The following CHCHD3 variants were observed in gnomAD, a reference collection of about 807,000 sequenced individuals.
CHCHD3 encodes the protein coiled-coil-helix-coiled-coil-helix domain containing 3.
CHCHD3 carries 20 observed loss-of-function variants against 38.2 expected under a neutral mutation model. The ratio of observed to expected loss-of-function variants is 0.52; its 90% CI spans 0.37 to 0.76. CHCHD3 has a LOEUF of 0.76. Ranked by LOEUF, CHCHD3 falls within the 30% of genes least tolerant of loss-of-function variation. The probability of loss-of-function intolerance (pLI) is 0.00; values close to 1 mark genes in which losing one functional copy is unlikely to be tolerated. For missense variants in CHCHD3, 245 were observed against 279.2 expected, an observed-to-expected ratio of 0.88 and a Z score of 0.87; for synonymous variants, 82 against 100.0, an observed-to-expected ratio of 0.82 and a Z score of 1.07.
chr7:132,985,935 G>C (rs1812106898), intron 3 of CHCHD3, among the ~76,000 whole-genome samples: 1 of 151,874 alleles, frequency 6.6e-6, no homozygotes, highest in Non-Finnish European at 1.5e-5. Context: ...GGGCCATGAT[G>C]ACCATGGCGG....
chr7:133,072,683 C>CA (rs1306521338), intron 1 of CHCHD3, among the ~76,000 whole-genome samples: 1 of 151,860 alleles, frequency 6.6e-6, no homozygotes, highest in Non-Finnish European at 1.5e-5. Flanking sequence ...ACTAAAAATA[C>CA]AAAAAATTAG....
At chr7:132,833,877 G>A (rs1807709666) in intron 6 of CHCHD3, among the ~76,000 whole-genome samples, 1 of 152,094 alleles carries the variant, frequency 6.6e-6, no homozygotes, top group Non-Finnish European at 1.5e-5. Flanking sequence ...CCCCTGATCA[G>A]GTATATAATA....
intron 6 of CHCHD3, among the ~76,000 whole-genome samples, chr7:132,826,336 C>T (rs1177272726): frequency 1.3e-5 from 2 of 152,184 alleles, no homozygotes; most frequent in African/African-American, 4.8e-5. Flanking sequence ...GCATGTTTAA[C>T]ATACTAAAAA....
At chr7:133,071,781 A>G (rs1172134991) in intron 1 of CHCHD3, among the ~76,000 whole-genome samples, 9 of 152,228 alleles carry the variant, frequency 5.9e-5, no homozygotes, top group Non-Finnish European at 1.0e-4. Context: ...AGAGCAGTGA[A>G]GTTATGACAT....
chr7:132,857,303 C>T (rs6975203), intron 5 of CHCHD3, among the ~76,000 whole-genome samples: 35,136 of 152,144 alleles, frequency 0.23, 4,247 homozygotes, highest in South Asian at 0.26. Context: ...CAAATCCTTT[C>T]CCAAGAATCT....
intron 3 of CHCHD3, among the ~76,000 whole-genome samples, chr7:132,990,826 T>C (rs1812258508): frequency 6.6e-6 from 1 of 152,088 alleles, no homozygotes; most frequent in South Asian, 2.1e-4. Context: ...TTCTTTTTGA[T>C]TTCAAAAGAC....
At chr7:132,827,655 A>G (rs1807539112) in intron 6 of CHCHD3, among the ~76,000 whole-genome samples, 3 of 152,242 alleles carry the variant, frequency 2.0e-5, no homozygotes, top group Non-Finnish European at 4.4e-5. Flanking sequence ...TCAGAATACA[A>G]CAGAATATTC....
chr7:132,826,635 C>G (rs989085754), intron 6 of CHCHD3, among the ~76,000 whole-genome samples: 1 of 152,122 alleles, frequency 6.6e-6, no homozygotes, highest in Non-Finnish European at 1.5e-5. Context: ...GGATGCTTGG[C>G]GACACTAACA....
At chr7:132,852,499 T>C (rs960503888) in intron 5 of CHCHD3, among the ~76,000 whole-genome samples, 1 of 152,232 alleles carries the variant, frequency 6.6e-6, no homozygotes, top group Non-Finnish European at 1.5e-5. Context: ...AATATGATTA[T>C]AGTAATCATA....
At chr7:132,892,945 G>T (rs1809402082) in intron 4 of CHCHD3, among the ~76,000 whole-genome samples, 1 of 152,256 alleles carries the variant, frequency 6.6e-6, no homozygotes, top group Non-Finnish European at 1.5e-5. Flanking sequence ...AAGCCCTCAT[G>T]AAGAACCTCT....
chr7:133,057,726 A>G (rs972636638), intron 2 of CHCHD3, among the ~76,000 whole-genome samples: 3 of 152,214 alleles, frequency 2.0e-5, no homozygotes, highest in African/African-American at 7.2e-5. Flanking sequence ...CTATGTCAGT[A>G]GAGGTATGTT....
rs1281780884 is a variant in CHCHD3 at position 132,788,160 on chromosome 7, T to G, written c.661-2500A>C. ...ATAAGTTCTATAAATTCCAGATATA[T>G]AGACAACCTCACTACATCATGCTTT... On this transcript the variant is annotated intron_variant, in intron 7 of 7. Transcript: ENST00000262570. This position sits in a 1 kb window ranked among gnomAD's most constrained non-coding sequence, Gnocchi z 4.0. Among the ~76,000 whole-genome samples, 3 of 152,192 alleles carry G rather than the reference T, an allele frequency of 2.0e-5. No homozygotes were observed. The highest frequency in any genetic ancestry group is 4.4e-5 in the Non-Finnish European group (3 of 68,050).
chr7:133,022,555 A>G (rs1813214871), intron 3 of CHCHD3: 1 of 441,534 alleles, frequency 2.3e-6, no homozygotes. Flanking sequence ...TATCATATAG[A>G]TGAACACACA....
chr7:133,076,023 C>A (rs1228970609), intron 1 of CHCHD3, among the ~76,000 whole-genome samples: 1 of 138,536 alleles, frequency 7.2e-6, no homozygotes, highest in Admixed American at 8.1e-5. Flanking sequence ...CGCACCACTG[C>A]ACTCCAGCAT....
chr7:133,010,069 C>G (rs1812819403), intron 3 of CHCHD3, among the ~76,000 whole-genome samples: 1 of 152,152 alleles, frequency 6.6e-6, no homozygotes, highest in South Asian at 2.1e-4. Flanking sequence ...CAGTCACTTC[C>G]TAAACACTAT....
At chr7:132,999,402 A>T (rs914383389) in intron 3 of CHCHD3, among the ~76,000 whole-genome samples, 2 of 152,204 alleles carry the variant, frequency 1.3e-5, no homozygotes, top group Admixed American at 6.5e-5. Context: ...ACCAATAGGA[A>T]CAAAGAAAAG....
At chr7:132,952,510 C>A (rs1000555763) in intron 4 of CHCHD3, among the ~76,000 whole-genome samples, 1 of 152,138 alleles carries the variant, frequency 6.6e-6, no homozygotes, top group African/African-American at 2.4e-5. Context: ...ATGAAAGAAT[C>A]AAATAGTAAA....
intron 3 of CHCHD3, among the ~76,000 whole-genome samples, chr7:133,007,708 T>C (rs6467459): frequency 0.7 from 106,807 of 152,104 alleles, 37,714 homozygotes; most frequent in African/African-American, 0.76. Context: ...TGCTACAATA[T>C]ACGTGTCCCA....
chr7:133,055,091 G>A (rs2117508077), intron 2 of CHCHD3, among the ~76,000 whole-genome samples: 1 of 152,102 alleles, frequency 6.6e-6, no homozygotes. Flanking sequence ...TTGGAAGGCT[G>A]AGGTGGGAGT....
Sources: gnomAD v4.1 joint callset for allele counts (sites outside exome capture counted in the v4.1 genomes callset) on GRCh38, gnomAD v4.1.1 for gene constraint, Gnocchi (gnomAD v3.1) non-coding constraint, MANE v1.5 for transcripts, NCBI Gene and HGNC (gene_info 2026-07-23, HGNC 2026-07-21) for gene names.